Variants in KLF12 observed in about 807,000 individuals in gnomAD.
The protein encoded by KLF12 is Krueppel-like factor 12.
A neutral mutation model predicts 37.8 loss-of-function variants in KLF12; 9 were observed. That is an observed-to-expected ratio of 0.24 (90% CI 0.14 to 0.42). The LOEUF is 0.42. KLF12 is among the 10% of genes least tolerant of loss of function. The pLI is 1.00. For synonymous variants in KLF12, 208 were observed against 202.1 expected, an observed-to-expected ratio of 1.03 and a Z score of -0.25; for missense variants, 411 against 516.0, an observed-to-expected ratio of 0.80 and a Z score of 1.97.
At chr13:74,089,999 A>G (rs886839037) in intron 1 of KLF12, among the ~76,000 whole-genome samples, 11 of 152,014 alleles carry the variant, frequency 7.2e-5, no homozygotes, top group African/African-American at 2.7e-4. Flanking sequence ...AAGGAAGAAT[A>G]AAACTCTATT....
intron 1 of KLF12, among the ~76,000 whole-genome samples, chr13:74,104,330 C>T (rs1282702544): frequency 1.3e-5 from 2 of 152,154 alleles, no homozygotes; most frequent in African/African-American, 2.4e-5. Flanking sequence ...CTGTACAGCT[C>T]GACATTTCTG....
At chr13:74,211,708 G>C in the KLF12 span, among the ~76,000 whole-genome samples, 1 of 152,152 alleles carries the variant, frequency 6.6e-6, no homozygotes, top group African/African-American at 2.4e-5. Flanking sequence ...AGTAAGACCT[G>C]TATGTAGTGA....
chr13:74,068,228 T>G (rs1312539294), intron 1 of KLF12, among the ~76,000 whole-genome samples: 1 of 152,268 alleles, frequency 6.6e-6, no homozygotes, highest in Non-Finnish European at 1.5e-5. Flanking sequence ...CAGCACAGTG[T>G]CTATTTCTAC....
rs1417138138 is a variant in KLF12, at chr13:73,686,830, G to A, written c.*8660C>T. On this transcript the variant is annotated 3_prime_UTR_variant, in exon 8 of 8. Coordinates refer to ENST00000377669, the MANE Select transcript of KLF12 (RefSeq NM_007249.5). ...AAAGGATGTTTCTGTATTTTCACAC[G>A]GACAGATCTCGTGATCCAATCACCA... The A allele has an allele frequency of 6.6e-6, 1 of 152,114 alleles. No individual in the cohort carries two copies. The highest frequency in any genetic ancestry group is 1.5e-5 in the Non-Finnish European group (1 of 68,028). 9.4% of individuals were successfully genotyped at this position (152,114 alleles called of 1,614,324 possible).
At chr13:74,215,061 T>C in the KLF12 span, among the ~76,000 whole-genome samples, 1 of 152,318 alleles carries the variant, frequency 6.6e-6, no homozygotes, top group Non-Finnish European at 1.5e-5. Context: ...CCCAAAGTGC[T>C]GGGATTACAG....
chr13:73,984,512 C>T (rs957377075), intron 2 of KLF12, among the ~76,000 whole-genome samples: 1 of 152,162 alleles, frequency 6.6e-6, no homozygotes, highest in African/African-American at 2.4e-5. Context: ...TCTATGTGGA[C>T]TGGCATGTGC....
intron 1 of KLF12, among the ~76,000 whole-genome samples, chr13:74,088,731 C>A (rs1408544666): frequency 6.6e-6 from 1 of 152,148 alleles, no homozygotes; most frequent in Non-Finnish European, 1.5e-5. Flanking sequence ...CATTCAATGC[C>A]TAAACTTGTA....
At chr13:73,808,725 A>C (rs369028557) in intron 5 of KLF12, among the ~76,000 whole-genome samples, 2 of 152,252 alleles carry the variant, frequency 1.3e-5, no homozygotes, top group South Asian at 2.1e-4. Context: ...TACTAATGTC[A>C]ACAAAGTAAG....
chr13:74,037,442 C>A (rs759339783), intron 1 of KLF12, among the ~76,000 whole-genome samples: 6 of 152,096 alleles, frequency 3.9e-5, no homozygotes, highest in Admixed American at 3.9e-4. Context: ...ATCTTTACAA[C>A]CTCAATTATG....
chr13:73,817,106 C>G (rs542647245), intron 4 of KLF12, among the ~76,000 whole-genome samples: 1 of 152,140 alleles, frequency 6.6e-6, no homozygotes, highest in African/African-American at 2.4e-5. Context: ...TGCTTGAGCC[C>G]AGGAGTTTGA....
the KLF12 span, among the ~76,000 whole-genome samples, chr13:74,165,711 C>A: frequency 2.0e-5 from 3 of 152,178 alleles, no homozygotes; most frequent in Admixed American, 2.0e-4. Context: ...CTACTGTATT[C>A]TTTTGGAGGA....
chr13:74,048,366 T>A (rs1349634789), intron 1 of KLF12, among the ~76,000 whole-genome samples: 3 of 151,942 alleles, frequency 2.0e-5, no homozygotes, highest in Non-Finnish European at 4.4e-5. Context: ...TTCTGTAACT[T>A]CCAATAAGAC....
At chr13:74,238,752 T>A in the KLF12 span, among the ~76,000 whole-genome samples, 1 of 152,062 alleles carries the variant, frequency 6.6e-6, no homozygotes. Context: ...TATTCTCTGA[T>A]GGTAGTTTGT....
intron 2 of KLF12, among the ~76,000 whole-genome samples, chr13:73,969,884 T>C (rs1281193964): frequency 6.6e-6 from 1 of 152,200 alleles, no homozygotes; most frequent in Non-Finnish European, 1.5e-5. Flanking sequence ...TGTTTACCTG[T>C]TAGATATATA....
intron 3 of KLF12, among the ~76,000 whole-genome samples, chr13:73,921,601 A>C (rs1383194138): frequency 1.3e-5 from 2 of 152,186 alleles, no homozygotes; most frequent in Non-Finnish European, 2.9e-5. Context: ...GTAATGGTAA[A>C]ATATGCAATA....
the KLF12 span, among the ~76,000 whole-genome samples, chr13:74,247,774 T>C: frequency 2.0e-5 from 3 of 152,090 alleles, no homozygotes; most frequent in African/African-American, 7.2e-5. Flanking sequence ...CTCCAGCCAG[T>C]CAAATTAGCA....
chr13:74,286,251 TACA>T, the KLF12 span, among the ~76,000 whole-genome samples: 1 of 152,176 alleles, frequency 6.6e-6, no homozygotes, highest in African/African-American at 2.4e-5. Context: ...AGGTAATGTA[TACA>T]ACGAAAAGTA....
At chr13:73,964,316 A>G (rs1225631098) in intron 2 of KLF12, among the ~76,000 whole-genome samples, 1 of 152,208 alleles carries the variant, frequency 6.6e-6, no homozygotes, top group Admixed American at 6.5e-5. Flanking sequence ...TGAGCATCTT[A>G]CTGGCTCCTA....
chr13:74,151,277 A>G, the KLF12 span, among the ~76,000 whole-genome samples: 1 of 152,186 alleles, frequency 6.6e-6, no homozygotes, highest in Admixed American at 6.5e-5. Context: ...TTTATTTAAA[A>G]CTATAATTAC....
Sources: allele counts gnomAD v4.1 joint callset (sites outside exome capture counted in the v4.1 genomes callset), GRCh38; gene constraint gnomAD v4.1.1; transcripts MANE v1.5; gene names NCBI Gene and HGNC (gene_info 2026-07-23, HGNC 2026-07-21).